Variants in SCHIP1 observed in about 807,000 individuals in gnomAD.
The protein encoded by SCHIP1 is schwannomin-interacting protein 1.
A neutral mutation model predicts 29.7 loss-of-function variants in SCHIP1; 8 were observed. The observed-to-expected ratio is 0.27, with a 90% CI of 0.16 to 0.49. The LOEUF is 0.49. Among genes scored for constraint, SCHIP1 ranks in the 20% least tolerant of loss-of-function variants. The pLI is 0.99. For missense variants in SCHIP1, 193 were observed against 294.6 expected (o/e 0.66, Z 2.52); for synonymous variants, 76 against 94.9 (o/e 0.80, Z 1.16).
the SCHIP1 span, among the ~76,000 whole-genome samples, chr3:159,669,808 C>T: frequency 6.6e-6 from 1 of 152,200 alleles, no homozygotes; most frequent in African/African-American, 2.4e-5. Context: ...CGCCAAGGCC[C>T]TTTCCAGAGA....
chr3:159,505,631 C>A, the SCHIP1 span, among the ~76,000 whole-genome samples: 2 of 152,132 alleles, frequency 1.3e-5, no homozygotes, highest in African/African-American at 4.8e-5. Context: ...CCCCACCCAC[C>A]CTACAACAGG....
chr3:159,547,318 T>C, the SCHIP1 span, among the ~76,000 whole-genome samples: 1 of 152,228 alleles, frequency 6.6e-6, no homozygotes, highest in Non-Finnish European at 1.5e-5. Context: ...ATATTAGAAC[T>C]TTGTCAGATA....
At chr3:159,601,538 G>T in the SCHIP1 span, among the ~76,000 whole-genome samples, 1 of 152,150 alleles carries the variant, frequency 6.6e-6, no homozygotes, top group Non-Finnish European at 1.5e-5. Context: ...AGGGGGAGGA[G>T]GGGTCATATT....
the SCHIP1 span, among the ~76,000 whole-genome samples, chr3:159,536,694 A>G: frequency 6.6e-6 from 1 of 152,120 alleles, no homozygotes; most frequent in African/African-American, 2.4e-5. Flanking sequence ...GCAAGGGGAG[A>G]AGGGAAAGAA....
the SCHIP1 span, among the ~76,000 whole-genome samples, chr3:159,709,725 G>C: frequency 6.6e-6 from 1 of 152,178 alleles, no homozygotes; most frequent in Non-Finnish European, 1.5e-5. Context: ...AGACACTGGA[G>C]GAAATGCATG....
At chr3:159,481,273 T>A in the SCHIP1 span, among the ~76,000 whole-genome samples, 1 of 152,168 alleles carries the variant, frequency 6.6e-6, no homozygotes, top group Non-Finnish European at 1.5e-5. Context: ...CTGCAGATGA[T>A]CTTGATGTAC....
chr3:159,709,237 T>C, the SCHIP1 span, among the ~76,000 whole-genome samples: 1 of 152,142 alleles, frequency 6.6e-6, no homozygotes, highest in East Asian at 1.9e-4. Flanking sequence ...GAAGGGAATA[T>C]GGCTATAAGA....
At chr3:159,805,746 C>G in the SCHIP1 span, among the ~76,000 whole-genome samples, 1 of 151,888 alleles carries the variant, frequency 6.6e-6, no homozygotes, top group Non-Finnish European at 1.5e-5. Flanking sequence ...CTCCTTTCCT[C>G]TCCCCTTCCA....
chr3:159,471,309 C>T, the SCHIP1 span, among the ~76,000 whole-genome samples: 1 of 152,050 alleles, frequency 6.6e-6, no homozygotes, highest in East Asian at 1.9e-4. Flanking sequence ...CAAAATCAAC[C>T]TCATTCTACA....
At chr3:159,508,210 G>A in the SCHIP1 span, among the ~76,000 whole-genome samples, 50 of 152,184 alleles carry the variant, frequency 3.3e-4, no homozygotes, top group African/African-American at 1.1e-3. Context: ...TGTATGTGTC[G>A]AGGAATTTAT....
the SCHIP1 span, among the ~76,000 whole-genome samples, chr3:159,809,803 C>T: frequency 6.6e-6 from 1 of 152,096 alleles, no homozygotes; most frequent in South Asian, 2.1e-4. Flanking sequence ...GAGTTCGAGA[C>T]CAGCCTGGGC....
the SCHIP1 span, among the ~76,000 whole-genome samples, chr3:159,770,493 A>C: frequency 6.6e-6 from 1 of 152,142 alleles, no homozygotes; most frequent in Non-Finnish European, 1.5e-5. Flanking sequence ...TCCTGACCTC[A>C]GGTAATCCGC....
the SCHIP1 span, among the ~76,000 whole-genome samples, chr3:159,410,019 T>G: frequency 6.6e-6 from 1 of 152,098 alleles, no homozygotes. Flanking sequence ...AAACATATGT[T>G]GGAGAAAATA....
the SCHIP1 span, chr3:159,306,555 T>C: frequency 5.7e-6 from 5 of 879,666 alleles, no homozygotes; most frequent in Non-Finnish European, 6.8e-6. Context: ...GGATCTAGAA[T>C]TATACTGAGC....
At chr3:159,387,272 T>C in the SCHIP1 span, 1 of 237,132 alleles carries the variant, frequency 4.2e-6, no homozygotes, top group South Asian at 4.8e-5. Context: ...TGCATGGGCA[T>C]AATCTTTAAA....
chr3:159,342,271 G>A, the SCHIP1 span, among the ~76,000 whole-genome samples: 548 of 152,218 alleles, frequency 3.6e-3, 1 homozygote, highest in African/African-American at 0.012. Flanking sequence ...AAGCTAACAC[G>A]TTAATTTTGT....
At chr3:159,493,610 T>G in the SCHIP1 span, among the ~76,000 whole-genome samples, 13 of 151,192 alleles carry the variant, frequency 8.6e-5, no homozygotes, top group Non-Finnish European at 1.5e-4. Context: ...AGCAAGTCCT[T>G]AGTGACCTAC....
At chr3:159,478,723 T>A in the SCHIP1 span, among the ~76,000 whole-genome samples, 161 of 152,292 alleles carry the variant, frequency 1.1e-3, no homozygotes, top group Non-Finnish European at 1.4e-3. Flanking sequence ...AATATCTTTT[T>A]ATTTATTTGT....
the SCHIP1 span, among the ~76,000 whole-genome samples, chr3:159,716,530 G>A: frequency 2.0e-5 from 3 of 152,270 alleles, no homozygotes; most frequent in South Asian, 2.1e-4. Flanking sequence ...GACACACATA[G>A]GCTCAAAATA....
Sources: gnomAD v4.1 joint callset for allele counts (sites outside exome capture counted in the v4.1 genomes callset) on GRCh38, gnomAD v4.1.1 for gene constraint, MANE v1.5 for transcripts, NCBI Gene and HGNC (gene_info 2026-07-23, HGNC 2026-07-21) for gene names.